The following ZER1 variants were observed in gnomAD, a reference collection of about 807,000 sequenced individuals.
ZER1 encodes protein zer-1 homolog.
Under a neutral mutation model 78.8 loss-of-function variants are expected in ZER1, and 11 were observed. The ratio of observed to expected loss-of-function variants is 0.14; its 90% CI spans 0.09 to 0.23. The LOEUF (loss-of-function observed/expected upper bound fraction) is 0.23. Among genes scored for constraint, ZER1 ranks in the 10% least tolerant of loss-of-function variants. The pLI is 1.00. For synonymous variants in ZER1, 400 were observed against 407.0 expected (o/e 0.98, Z 0.21); for missense variants, 588 against 996.9 (o/e 0.59, Z 5.52).
chr9:128,770,598 A>G (rs894910291), intron 1 of ZER1, among the ~76,000 whole-genome samples: 2 of 151,982 alleles, frequency 1.3e-5, no homozygotes, highest in African/African-American at 4.8e-5. Context: ...CTCCTTCCCC[A>G]TGGTCCTTCC....
In ZER1 at chr9:128,732,549, T is replaced by C. The variant is rs142542485; in HGVS notation, c.2243+877A>G. Reference sequence around the variant, plus strand: ...CACGCCGAGCTAATTTTTGTATTTTTAGTAGAGACGGGGTTTTACCATGTT... The same window carrying C: ...CACGCCGAGCTAATTTTTGTATTTTCAGTAGAGACGGGGTTTTACCATGTT... On this transcript the variant is annotated intron_variant, in intron 15 of 15. Transcript: ENST00000291900. The surrounding 1 kb of genome is among the most constrained non-coding windows in gnomAD (Gnocchi z 4.8). Among the ~76,000 whole-genome samples, 10 of 152,244 alleles carry C rather than the reference T, an allele frequency of 6.6e-5. No individual in the cohort carries two copies. The East Asian group carries it at 1.9e-3, about 29-fold the overall frequency.
Position 128,755,279 on chromosome 9 carries a change from G to C in ZER1, c.158+129C>G. ...TTCTCTTGCAGCCATGAACATCCAT[G>C]TGCACACACACACACCCTCACACAT... On this transcript the variant is annotated intron_variant, in intron 2 of 15. Coordinates refer to ENST00000291900, the MANE Select transcript of ZER1 (RefSeq NM_006336.4). The surrounding 1 kb of genome is among the most constrained non-coding windows in gnomAD (Gnocchi z 5.6). 1 of 1,310,342 alleles carries C rather than the reference G, an allele frequency of 7.6e-7. No individual in the cohort carries two copies. 81.2% of individuals were successfully genotyped at this position (1,310,342 alleles called of 1,614,324 possible). A position where few individuals can be genotyped will look rare whatever the true frequency, so the allele number is the denominator to read the frequency against.
At chr9:128,745,395 C>T (rs1249580052) in intron 8 of ZER1, among the ~76,000 whole-genome samples, 1 of 151,728 alleles carries the variant, frequency 6.6e-6, no homozygotes, top group Non-Finnish European at 1.5e-5. Context: ...CTCATTTACT[C>T]TTATCACCCA....
chr9:128,747,484 G>A (rs999768089), intron 8 of ZER1, among the ~76,000 whole-genome samples: 1 of 152,190 alleles, frequency 6.6e-6, no homozygotes, highest in Admixed American at 6.5e-5. Context: ...CAGCAGTCAT[G>A]AAAGTGAGCC....
Position 128,753,237 on chromosome 9 carries a change from C to A in ZER1, c.673G>T (p.Val225Leu), listed in dbSNP as rs140371798. Residue 225 changes from valine to leucine, a missense_variant, in exon 4 of 16, where the codon GTG (valine) becomes TTG (leucine). Coordinates refer to ENST00000291900, the MANE Select transcript of ZER1 (RefSeq NM_006336.4). The surrounding 1 kb of genome is among the most constrained non-coding windows in gnomAD (Gnocchi z 7.5). ...TCCATGTTGTAGAGGACGAGGGACA[C>A]CAGGCTGTCTTTCCACTGGGTGAGG... ...AFLTQWKDSL[V>L]SLVLYNMDLS... is the part of the protein sequence containing the mutation. 2.0e-4 allele frequency: 323 copies of A among 1,592,276 alleles called. No homozygotes were observed. The highest frequency in any genetic ancestry group is 1.0e-3 in the Middle Eastern group (6 of 6,030).
At chr9:128,752,013 T>C (rs982962131) in intron 5 of ZER1, among the ~76,000 whole-genome samples, 2 of 152,154 alleles carry the variant, frequency 1.3e-5, no homozygotes, top group African/African-American at 4.8e-5. Context: ...TCAGGCTGAG[T>C]GTTGGGTAGT....
intron 14 of ZER1, among the ~76,000 whole-genome samples, chr9:128,734,498 A>G (rs1437332917): frequency 6.7e-6 from 1 of 150,126 alleles, no homozygotes; most frequent in Admixed American, 6.7e-5. Flanking sequence ...CACCCGGACT[A>G]ATTTTTTTTT....
At chr9:128,731,509 G>T in intron 15 of ZER1, 115 bp from the exon 16 acceptor site, 1 of 833,686 alleles carries the variant, frequency 1.2e-6, no homozygotes, top group South Asian at 1.6e-5. Flanking sequence ...TGGTGATGCT[G>T]ACCGAATGAT....
intron 8 of ZER1, among the ~76,000 whole-genome samples, chr9:128,743,853 C>T (rs905861737): frequency 6.7e-6 from 1 of 150,320 alleles, no homozygotes; most frequent in Admixed American, 6.6e-5. Flanking sequence ...ACCTCAGCCT[C>T]CCTAGTAGCT....
chr9:128,740,640 A>C lies in ZER1; in HGVS notation c.1853+132T>G, dbSNP rs1246994018. 1 of 600,354 alleles carries C rather than the reference A, an allele frequency of 1.7e-6. No homozygotes were observed. Among genetic ancestry groups the C allele is most frequent in the Non-Finnish European group, 3.0e-6 (1 of 332,382 alleles). 37.2% of individuals were successfully genotyped at this position (600,354 alleles called of 1,614,324 possible). A position where few individuals can be genotyped will look rare whatever the true frequency, so the allele number is the denominator to read the frequency against. ...ACTTACGAAGGATTGAATGAATAAG[A>C]AACCACATTATCGAGGGAAAATGAC... On this transcript the variant is annotated intron_variant, in intron 12 of 15. Coordinates refer to ENST00000291900, the MANE Select transcript of ZER1 (RefSeq NM_006336.4). The surrounding 1 kb of genome is among the most constrained non-coding windows in gnomAD (Gnocchi z 4.4).
At chr9:128,756,925 T>C (rs546627926) in intron 1 of ZER1, among the ~76,000 whole-genome samples, 1 of 152,188 alleles carries the variant, frequency 6.6e-6, no homozygotes, top group East Asian at 1.9e-4. Flanking sequence ...AAGTGAAGTC[T>C]CCTACTAGCT....
At chr9:128,743,123 C>CTTTT (rs557303084) in intron 8 of ZER1, among the ~76,000 whole-genome samples, 1 of 146,058 alleles carries the variant, frequency 6.8e-6, no homozygotes, top group African/African-American at 2.5e-5. Flanking sequence ...CTTTTTCTTT[C>CTTTT]TTTTTTTTTT....
At chr9:128,744,822 A>G (rs766514047) in intron 8 of ZER1, among the ~76,000 whole-genome samples, 63 of 152,210 alleles carry the variant, frequency 4.1e-4, no homozygotes, top group Non-Finnish European at 8.7e-4. Context: ...TTGCAAGATT[A>G]ACTGTTGTTA....
In ZER1 at chr9:128,771,649, T is replaced by G. The variant is rs1331546403; in HGVS notation, c.-163A>C. 1 of 152,392 alleles carries G rather than the reference T, an allele frequency of 6.6e-6. No individual in the cohort carries two copies. Among genetic ancestry groups the G allele is most frequent in the East Asian group, 1.9e-4 (1 of 5,168 alleles). The allele number at this position is 152,392 out of a possible 1,614,324, so 9.4% of individuals were successfully genotyped here. A position where few individuals can be genotyped will look rare whatever the true frequency, so the allele number is the denominator to read the frequency against. ...TTCGCAGGCGAGGAGGAGCAGAGAA[T>G]GCAGCCCGGGAGAATCCGGGGCCAG... On this transcript the variant is annotated 5_prime_UTR_variant, in exon 1 of 16. Coordinates refer to ENST00000291900, the MANE Select transcript of ZER1 (RefSeq NM_006336.4).
chr9:128,765,212 TACAC>T (rs60923356), intron 1 of ZER1, among the ~76,000 whole-genome samples: 23,943 of 149,596 alleles, frequency 0.16, 1,968 homozygotes, highest in African/African-American at 0.22. Context: ...CATGCACATG[TACAC>T]ACACACACAC....
At chr9:128,748,815 G>A (rs956554068) in intron 8 of ZER1, among the ~76,000 whole-genome samples, 2 of 150,738 alleles carry the variant, frequency 1.3e-5, no homozygotes, top group East Asian at 2.0e-4. Flanking sequence ...CAGGTGATCC[G>A]CCTGCCTCAG....
At chr9:128,761,261 C>CT (rs1273918009) in intron 1 of ZER1, among the ~76,000 whole-genome samples, 1 of 151,938 alleles carries the variant, frequency 6.6e-6, no homozygotes, top group Non-Finnish European at 1.5e-5. Flanking sequence ...GCCCAACAGA[C>CT]TAAGTACACA....
In ZER1 at chr9:128,735,760, G is replaced by GTTTTTTTTTTTTTTTTTT; in HGVS notation, c.2043-330_2043-329insAAAAAAAAAAAAAAAAAA. Among the ~76,000 whole-genome samples, 18 of 16,176 alleles carry GTTTTTTTTTTTTTTTTTT rather than the reference G, an allele frequency of 1.1e-3. 9 individuals carry two copies. Among genetic ancestry groups the GTTTTTTTTTTTTTTTTTT allele is most frequent in the Non-Finnish European group, 8.5e-4 (6 of 7,070 alleles). 10.6% of individuals were successfully genotyped at this position (16,176 alleles called of 152,430 possible). On this transcript the variant is annotated intron_variant, in intron 13 of 15. Transcript: ENST00000291900. ...CTGGGAACAGAAGCACGTGTGACCTGGTTTTTTTTTTTTTTTTTTTTTTTT... is the reference window on the plus strand; with the variant it reads ...CTGGGAACAGAAGCACGTGTGACCTGTTTTTTTTTTTTTTTTTTGTTTTTTTTTTTTTTTTTTTTTTTT...
At position 128,751,239 on chromosome 9, in the gene ZER1, C is replaced by A; in HGVS notation, c.1068G>T (p.Val356=). 1 of 1,600,884 alleles carries A rather than the reference C, an allele frequency of 6.2e-7. No individual in the cohort carries two copies. The highest frequency in any genetic ancestry group is 8.6e-7 in the Non-Finnish European group (1 of 1,169,216). The change falls in exon 7 of 16, where the codon GTG becomes GTT. Residue 356 remains valine, a synonymous_variant. Coordinates refer to ENST00000291900, the MANE Select transcript of ZER1 (RefSeq NM_006336.4). This position sits in a 1 kb window ranked among gnomAD's most constrained non-coding sequence, Gnocchi z 5.4. ...CCGTGTAGGCCTCGATGGCATTCAG[C>A]ACCTGCTCTTCGTTTTTGTCACCAC... ...KVSGDKNEEQ[V]LNAIEAYTEH... is the part of the protein sequence containing the mutation.
Sources: gnomAD v4.1 joint callset for allele counts (sites outside exome capture counted in the v4.1 genomes callset) on GRCh38, gnomAD v4.1.1 for gene constraint, Gnocchi (gnomAD v3.1) non-coding constraint, MANE v1.5 for transcripts, NCBI Gene and HGNC (gene_info 2026-07-23, HGNC 2026-07-21) for gene names.